TAMM41: variants seen among roughly 807,000 people sequenced by gnomAD.
The protein encoded by TAMM41 is phosphatidate cytidylyltransferase, mitochondrial.
TAMM41 carries 36 observed loss-of-function variants against 44.1 expected under a neutral mutation model. The observed-to-expected ratio is 0.82, with a 90% confidence interval of 0.63 to 1.08. The LOEUF is 1.08. Among genes scored for constraint, TAMM41 ranks in the 50% least tolerant of loss-of-function variants. The pLI is 0.00. For missense variants in TAMM41, 417 were observed against 404.3 expected (o/e 1.03, Z -0.27); for synonymous variants, 164 against 153.1 (o/e 1.07, Z -0.53).
chr3:11,764,594 G>A, the TAMM41 span, among the ~76,000 whole-genome samples: 8 of 136,840 alleles, frequency 5.8e-5, no homozygotes, highest in Non-Finnish European at 1.1e-4. Context: ...CCACGTTCAC[G>A]CCATTCTCCT....
the TAMM41 span, among the ~76,000 whole-genome samples, chr3:11,777,491 T>C: frequency 6.6e-6 from 1 of 152,290 alleles, no homozygotes; most frequent in East Asian, 1.9e-4. Context: ...AATTCAGCCA[T>C]TTAAAGTGTA....
At chr3:11,734,102 G>C in the TAMM41 span, among the ~76,000 whole-genome samples, 1 of 152,172 alleles carries the variant, frequency 6.6e-6, no homozygotes, top group Admixed American at 6.5e-5. Context: ...ATGTAGTTCC[G>C]GGGTGGGCAG....
At chr3:11,769,082 A>T in the TAMM41 span, among the ~76,000 whole-genome samples, 13 of 152,106 alleles carry the variant, frequency 8.5e-5, no homozygotes, top group Admixed American at 8.5e-4. Context: ...CCACGTCATG[A>T]AGAGCCTCAC....
chr3:11,744,154 G>A, the TAMM41 span, among the ~76,000 whole-genome samples: 4 of 150,792 alleles, frequency 2.7e-5, no homozygotes, highest in Admixed American at 6.6e-5. Context: ...TGCAACCTCC[G>A]CCTCCTGGGT....
downstream of TAMM41, among the ~76,000 whole-genome samples, chr3:11,789,049 G>A (rs1473292244): frequency 6.6e-6 from 1 of 152,206 alleles, no homozygotes; most frequent in Non-Finnish European, 1.5e-5. Context: ...TTTGCTCAAT[G>A]CTAGGCACAA....
At chr3:11,725,333 T>A in the TAMM41 span, among the ~76,000 whole-genome samples, 1 of 71,936 alleles carries the variant, frequency 1.4e-5, no homozygotes, top group African/African-American at 5.8e-5. Flanking sequence ...TCCTCCTTTT[T>A]TTCTTCTCCT....
At chr3:11,734,744 A>G in the TAMM41 span, among the ~76,000 whole-genome samples, 1 of 152,094 alleles carries the variant, frequency 6.6e-6, no homozygotes, top group South Asian at 2.1e-4. Flanking sequence ...CAAATTAAAA[A>G]GCAAATATGG....
chr3:11,764,130 A>G, the TAMM41 span, among the ~76,000 whole-genome samples: 2 of 151,996 alleles, frequency 1.3e-5, no homozygotes, highest in Non-Finnish European at 2.9e-5. Context: ...CAGCCTCCCG[A>G]GTAGCTTGGA....
chr3:11,805,044 G>A (rs1234009830), intron 7 of TAMM41, among the ~76,000 whole-genome samples: 4 of 116,250 alleles, frequency 3.4e-5, no homozygotes, highest in Admixed American at 2.5e-4. Context: ...TCTCACTCTC[G>A]CCCAGGCCAG....
At chr3:11,730,210 C>G in the TAMM41 span, among the ~76,000 whole-genome samples, 1 of 152,070 alleles carries the variant, frequency 6.6e-6, no homozygotes, top group Non-Finnish European at 1.5e-5. Context: ...CATCTGAGAT[C>G]AGGAGTTCAA....
intron 4 of TAMM41, among the ~76,000 whole-genome samples, chr3:11,828,215 T>C (rs2078836898): frequency 6.6e-6 from 1 of 152,216 alleles, no homozygotes; most frequent in Non-Finnish European, 1.5e-5. Flanking sequence ...GAAAGAGATC[T>C]ACCTACAGAG....
chr3:11,806,040 G>A (rs1409256475), intron 7 of TAMM41, among the ~76,000 whole-genome samples: 2 of 152,270 alleles, frequency 1.3e-5, no homozygotes, highest in Non-Finnish European at 2.9e-5. Context: ...TCTCTTGCCT[G>A]CCGCCATGTA....
chr3:11,796,081 G>C (rs997438210), intron 7 of TAMM41, among the ~76,000 whole-genome samples: 2 of 152,198 alleles, frequency 1.3e-5, no homozygotes, highest in African/African-American at 4.8e-5. Context: ...TTGAACATGA[G>C]TGTATGTGAT....
chr3:11,722,045 C>T, the TAMM41 span: 1 of 152,112 alleles, frequency 6.6e-6, no homozygotes, highest in Non-Finnish European at 1.5e-5. Context: ...AGTGTTCCCA[C>T]GTATTATTAT....
intron 5 of TAMM41, among the ~76,000 whole-genome samples, chr3:11,815,725 C>T (rs372654525): frequency 1.2e-4 from 17 of 146,426 alleles, no homozygotes; most frequent in African/African-American, 4.2e-4. Flanking sequence ...TAGTGTAAGA[C>T]GGTAAAAAAA....
At position 11,839,234 on chromosome 3, in the gene TAMM41, T is replaced by A; in HGVS notation, c.399A>T (p.Arg133=). 2 of 1,612,270 alleles carry A rather than the reference T, an allele frequency of 1.2e-6. No homozygotes were observed. The highest frequency in any genetic ancestry group is 8.5e-7 in the Non-Finnish European group (1 of 1,178,848). Residue 133 remains arginine (R), a synonymous_variant, in exon 3 of 8, where the codon CGA becomes CGT. Transcript: ENST00000455809. ...ATAAAACACTCACCGGTTTTTGGAG[T>A]CGTCCAGCAATGTATAAGTTATTCC... The part of the protein sequence containing the change: ...LNWNNLYIAG[R]LQKPVKIISV...
the TAMM41 span, among the ~76,000 whole-genome samples, chr3:11,777,924 G>A: frequency 2.0e-5 from 3 of 151,928 alleles, no homozygotes; most frequent in South Asian, 6.3e-4. Flanking sequence ...AAGCCCCCAA[G>A]CCCCCCATTA....
At chr3:11,722,422 C>A in the TAMM41 span, among the ~76,000 whole-genome samples, 1 of 152,078 alleles carries the variant, frequency 6.6e-6, no homozygotes, top group South Asian at 2.1e-4. Flanking sequence ...TGGAACGTGG[C>A]AGACACATAG....
At chr3:11,781,314 G>A in the TAMM41 span, among the ~76,000 whole-genome samples, 5 of 152,188 alleles carry the variant, frequency 3.3e-5, no homozygotes, top group Non-Finnish European at 7.3e-5. Flanking sequence ...TGGAAAGAAT[G>A]ATGGGCTCAG....
Sources: allele counts gnomAD v4.1 joint callset (sites outside exome capture counted in the v4.1 genomes callset), GRCh38; gene constraint gnomAD v4.1.1; transcripts MANE v1.5; gene names NCBI Gene and HGNC (gene_info 2026-07-23, HGNC 2026-07-21).